The following AFF2 variants were observed in gnomAD, a reference collection of about 807,000 sequenced individuals.
AFF2 encodes AF4/FMR2 family member 2.
AFF2 carries 14 observed loss-of-function variants against 76.9 expected under a neutral mutation model. The ratio of observed to expected loss-of-function variants is 0.18; its 90% CI spans 0.12 to 0.28. The LOEUF is 0.28. Among genes scored for constraint, AFF2 ranks in the 10% least tolerant of loss-of-function variants. The probability of loss-of-function intolerance (pLI) is 1.00; values close to 1 mark genes in which losing one functional copy is unlikely to be tolerated. For synonymous variants in AFF2, 398 were observed against 366.7 expected (o/e 1.09, Z -0.98); for missense variants, 868 against 1,001.1 (o/e 0.87, Z 1.79).
chrX:148,677,214 G>A (rs1333369833), intron 3 of AFF2, among the ~76,000 whole-genome samples: 4 of 110,601 alleles, frequency 3.6e-5, no homozygotes, highest in Non-Finnish European at 7.6e-5. Flanking sequence ...GCAGTGGATG[G>A]TGATACCATT....
At chrX:148,722,493 GA>G (rs1440828403) in intron 3 of AFF2, among the ~76,000 whole-genome samples, 7 of 110,204 alleles carry the variant, frequency 6.4e-5, no homozygotes, top group Admixed American at 1.9e-4. Flanking sequence ...ATCTTCATGT[GA>G]GATGTCCTCT....
chrX:148,523,055 A>G (rs1339512153), intron 1 of AFF2, among the ~76,000 whole-genome samples: 1 of 112,107 alleles, frequency 8.9e-6, no homozygotes, highest in Non-Finnish European at 1.9e-5. Context: ...TGCTCTCTGT[A>G]GCATCTTTGT....
At chrX:148,855,494 GA>G (rs1773148912) in intron 7 of AFF2, among the ~76,000 whole-genome samples, 1 of 111,985 alleles carries the variant, frequency 8.9e-6, no homozygotes, top group Admixed American at 9.4e-5. Flanking sequence ...CAGATAACCA[GA>G]AAATATTCTT....
At chrX:148,657,663 C>T (rs2054266645) in intron 2 of AFF2, among the ~76,000 whole-genome samples, 1 of 112,202 alleles carries the variant, frequency 8.9e-6, no homozygotes, top group South Asian at 3.7e-4. Flanking sequence ...TTGGAAAATG[C>T]ATTTCCTGAT....
intron 4 of AFF2, among the ~76,000 whole-genome samples, chrX:148,827,500 C>T (rs1199586010): frequency 8.9e-6 from 1 of 111,869 alleles, no homozygotes; most frequent in Non-Finnish European, 1.9e-5. Flanking sequence ...AGTTGTCATT[C>T]TCTAGTACCT....
chrX:148,545,872 G>A (rs1320465838), intron 1 of AFF2, among the ~76,000 whole-genome samples: 1 of 111,556 alleles, frequency 9.0e-6, no homozygotes, highest in Non-Finnish European at 1.9e-5. Flanking sequence ...GCTCTAAGGT[G>A]CTGCAGGTGC....
chrX:148,812,830 C>T (rs1557271900), intron 4 of AFF2, among the ~76,000 whole-genome samples: 1 of 112,001 alleles, frequency 8.9e-6, no homozygotes, highest in East Asian at 2.8e-4. Context: ...AAATTCAAGC[C>T]AGTTGGTTTC....
At chrX:148,631,739 A>G (rs2053982951) in intron 1 of AFF2, among the ~76,000 whole-genome samples, 1 of 112,545 alleles carries the variant, frequency 8.9e-6, no homozygotes, top group South Asian at 3.6e-4. Context: ...AAACTGGCTC[A>G]TAACAGCCTT....
chrX:148,581,621 C>T (rs782652705), intron 1 of AFF2, among the ~76,000 whole-genome samples: 7 of 94,262 alleles, frequency 7.4e-5, no homozygotes, highest in Admixed American at 5.5e-4. Flanking sequence ...CACATATATA[C>T]GTATACGTAT....
At chrX:148,814,213 T>C (rs1557271989) in intron 4 of AFF2, among the ~76,000 whole-genome samples, 1 of 111,860 alleles carries the variant, frequency 8.9e-6, no homozygotes, top group Admixed American at 9.5e-5. Context: ...AGCAGCAGCT[T>C]CTTTTCTGAG....
At chrX:148,581,803 A>G (rs1170265416) in intron 1 of AFF2, among the ~76,000 whole-genome samples, 1 of 112,380 alleles carries the variant, frequency 8.9e-6, no homozygotes, top group Non-Finnish European at 1.9e-5. Flanking sequence ...TTACATAAGC[A>G]CAGCATATTG....
chrX:148,567,536 T>C (rs2053182723), intron 1 of AFF2, among the ~76,000 whole-genome samples: 1 of 111,653 alleles, frequency 9.0e-6, no homozygotes, highest in Admixed American at 9.5e-5. Flanking sequence ...ACTGCTGAAG[T>C]ATCCCAGAAT....
At chrX:148,610,157 T>C (rs1305658125) in intron 1 of AFF2, among the ~76,000 whole-genome samples, 1 of 111,727 alleles carries the variant, frequency 9.0e-6, no homozygotes, top group African/African-American at 3.3e-5. Flanking sequence ...AGAGCACTCA[T>C]GCACACTTGG....
chrX:148,667,033 G>C (rs1234838473), intron 3 of AFF2, among the ~76,000 whole-genome samples: 1 of 112,173 alleles, frequency 8.9e-6, no homozygotes, highest in Non-Finnish European at 1.9e-5. Context: ...CAAAACTAAC[G>C]TGTAGAGTGT....
intron 3 of AFF2, among the ~76,000 whole-genome samples, chrX:148,780,527 G>C (rs1314142771): frequency 9.0e-6 from 1 of 111,562 alleles, no homozygotes; most frequent in Non-Finnish European, 1.9e-5. Context: ...CTTTTCTTCA[G>C]CTTTATCAAT....
chrX:148,618,871 G>C (rs919569285), intron 1 of AFF2, among the ~76,000 whole-genome samples: 1 of 110,845 alleles, frequency 9.0e-6, no homozygotes, highest in Admixed American at 9.6e-5. Context: ...TACTGAAAGA[G>C]TATTATGTTG....
At chrX:148,660,758 G>A (rs1212759712) in intron 2 of AFF2, among the ~76,000 whole-genome samples, 1 of 111,912 alleles carries the variant, frequency 8.9e-6, no homozygotes, top group African/African-American at 3.3e-5. Context: ...CAACATCTTG[G>A]GCCAGGATAG....
chrX:148,812,090 C>T (rs1158476186), intron 4 of AFF2, among the ~76,000 whole-genome samples: 1 of 110,363 alleles, frequency 9.1e-6, no homozygotes, highest in African/African-American at 3.3e-5. Context: ...CTGAAATTTG[C>T]GTCCCCAATT....
chrX:148,635,699 G>T (rs1424241532), intron 1 of AFF2, among the ~76,000 whole-genome samples: 1 of 111,512 alleles, frequency 9.0e-6, no homozygotes, highest in Non-Finnish European at 1.9e-5. Context: ...CTTCCTCAAG[G>T]AGGCAACAAG....
Sources: gnomAD v4.1 joint callset for allele counts (sites outside exome capture counted in the v4.1 genomes callset) on GRCh38, gnomAD v4.1.1 for gene constraint, MANE v1.5 for transcripts, NCBI Gene and HGNC (gene_info 2026-07-23, HGNC 2026-07-21) for gene names.